Variants in SPHKAP observed in about 807,000 individuals in gnomAD.
SPHKAP encodes SPHK1 interactor, AKAP domain containing, also known as A-kinase anchor protein SPHKAP.
SPHKAP carries 67 observed loss-of-function variants against 137.5 expected under a neutral mutation model. That is an observed-to-expected ratio of 0.49 (90% CI 0.40 to 0.60). The LOEUF (loss-of-function observed/expected upper bound fraction) is 0.60. Ranked by LOEUF, SPHKAP falls within the 20% of genes least tolerant of loss-of-function variation. SPHKAP has a pLI of 0.00. For missense variants in SPHKAP, 2,097 were observed against 2,069.3 expected (o/e 1.01, Z -0.26); for synonymous variants, 813 against 785.3 (o/e 1.04, Z -0.59).
chr2:228,144,978 A>C (rs963385112), intron 1 of SPHKAP, among the ~76,000 whole-genome samples: 1 of 152,192 alleles, frequency 6.6e-6, no homozygotes, highest in Non-Finnish European at 1.5e-5. Flanking sequence ...ATCACGGATA[A>C]TTGTTTATGA....
intron 3 of SPHKAP, among the ~76,000 whole-genome samples, chr2:228,034,446 G>T (rs1168496815): frequency 6.6e-6 from 1 of 152,094 alleles, no homozygotes; most frequent in Admixed American, 6.5e-5. Context: ...AATTCTACCA[G>T]AGGTACAAGG....
At chr2:228,131,128 G>C (rs537789462) in intron 2 of SPHKAP, 2 of 169,754 alleles carry the variant, frequency 1.2e-5, no homozygotes, top group Non-Finnish European at 2.4e-5. Context: ...TATATGTGTA[G>C]ATATATATGC....
chr2:228,151,448 A>G (rs1293316566), intron 1 of SPHKAP, among the ~76,000 whole-genome samples: 1 of 152,142 alleles, frequency 6.6e-6, no homozygotes, highest in Non-Finnish European at 1.5e-5. Context: ...GGTATATACC[A>G]GTAATGGGAT....
Position 228,080,765 on chromosome 2 carries a change from AATAAAATAAAAT to A in SPHKAP, c.246+28055_246+28066del, listed in dbSNP as rs1459295143. ...AATAAAATAAAATAAAATAAAATAA[AATAAAATAAAAT>A]AAAATAAAACCAAACCACAATGATG... On this transcript the variant is annotated intron_variant, in intron 3 of 11. Coordinates refer to ENST00000392056, the MANE Select transcript of SPHKAP (RefSeq NM_001142644.2). Among the ~76,000 whole-genome samples, 471 of 67,282 alleles carry A rather than the reference AATAAAATAAAAT, an allele frequency of 7.0e-3. 6 individuals are homozygous for A. The highest frequency in any genetic ancestry group is 0.025 in the African/African-American group (441 of 17,584). 44.1% of individuals were successfully genotyped at this position (67,282 alleles called of 152,430 possible).
rs1206940350 is a variant in SPHKAP, at chr2:228,019,919, G to A, written c.935C>T (p.Ala312Val). Reference sequence around the variant, plus strand: ...TGTGGCTTGTCTCCCATTCCCCACAGCTTCTCTTTTCCACTGTGATGGCTT... The same window carrying A: ...TGTGGCTTGTCTCCCATTCCCCACAACTTCTCTTTTCCACTGTGATGGCTT... ...SAKPSQWKRE[A>V]VGNGRQATHY... The change falls in exon 7 of 12, where the codon GCT (alanine) becomes GTT (valine). Residue 312 changes from alanine (A) to valine (V), a missense_variant. Physicochemically the swap from Ala to Val is moderately conservative, Grantham distance 64. Transcript: ENST00000392056. 8 of 1,614,104 alleles carry A rather than the reference G, an allele frequency of 5.0e-6. No homozygotes were observed. In the African/African-American group the frequency reaches 9.3e-5, roughly 19 times the overall value.
chr2:228,103,312 A>T (rs34151038), intron 3 of SPHKAP, among the ~76,000 whole-genome samples: 23,729 of 152,178 alleles, frequency 0.16, 2,105 homozygotes, highest in East Asian at 0.31. Context: ...AACTGCTGCA[A>T]AGGGAAAGCC....
intron 3 of SPHKAP, among the ~76,000 whole-genome samples, chr2:228,074,502 T>C (rs544443649): frequency 6.6e-6 from 1 of 152,186 alleles, no homozygotes; most frequent in Admixed American, 6.5e-5. Flanking sequence ...TGCCAGATGC[T>C]TATAAAATCA....
At chr2:227,984,044 T>C (rs1693110983) in intron 11 of SPHKAP, among the ~76,000 whole-genome samples, 1 of 152,090 alleles carries the variant, frequency 6.6e-6, no homozygotes, top group Non-Finnish European at 1.5e-5. Flanking sequence ...CTCACGCCTG[T>C]AATCCTGGCA....
intron 3 of SPHKAP, among the ~76,000 whole-genome samples, chr2:228,037,955 A>G (rs548041855): frequency 6.6e-6 from 1 of 152,316 alleles, no homozygotes; most frequent in African/African-American, 2.4e-5. Flanking sequence ...GATTTAAGCA[A>G]CCACTAATGC....
At position 228,006,359 on chromosome 2, in the gene SPHKAP, T is replaced by C. The variant is rs1239857650; in HGVS notation, c.4448+10047A>G. Among the ~76,000 whole-genome samples, 5 of 152,340 alleles carry C rather than the reference T, an allele frequency of 3.3e-5. No homozygotes were observed. The East Asian group carries it at 7.7e-4, about 24-fold the overall frequency. On this transcript the variant is annotated intron_variant, in intron 7 of 11. Transcript: ENST00000392056. ...GCTACTGAAGCTTGTGCATTCATCATGTAATTCTCGTGCCACGGTTTTCAG... is the reference window on the plus strand; with the variant it reads ...GCTACTGAAGCTTGTGCATTCATCACGTAATTCTCGTGCCACGGTTTTCAG...
chr2:228,011,249 C>A (rs1300108560), intron 7 of SPHKAP, among the ~76,000 whole-genome samples: 1 of 141,548 alleles, frequency 7.1e-6, no homozygotes, highest in Non-Finnish European at 1.5e-5. Flanking sequence ...TTTTTTTAAT[C>A]AGTTCACTCT....
chr2:228,157,652 C>G (rs1700145459), intron 1 of SPHKAP, among the ~76,000 whole-genome samples: 1 of 152,004 alleles, frequency 6.6e-6, no homozygotes, highest in African/African-American at 2.4e-5. Flanking sequence ...GGCACTTCTA[C>G]TACCTTGGTT....
chr2:228,058,019 C>T (rs1696505408), intron 3 of SPHKAP, among the ~76,000 whole-genome samples: 1 of 152,186 alleles, frequency 6.6e-6, no homozygotes, highest in Admixed American at 6.5e-5. Flanking sequence ...TCCCCAACAA[C>T]CCATTAATAA....
intron 2 of SPHKAP, among the ~76,000 whole-genome samples, chr2:228,126,463 C>A (rs1699078761): frequency 6.6e-6 from 1 of 152,114 alleles, no homozygotes; most frequent in Admixed American, 6.6e-5. Context: ...GCAAACATAA[C>A]TTAATTGTCA....
chr2:228,125,941 G>A (rs1176807192), intron 2 of SPHKAP, among the ~76,000 whole-genome samples: 2 of 152,096 alleles, frequency 1.3e-5, no homozygotes, highest in Non-Finnish European at 2.9e-5. Flanking sequence ...TTAGCTGGGT[G>A]TCATGGCGTC....
In SPHKAP at chr2:228,017,439, T is replaced by G; in HGVS notation, c.3415A>C (p.Asn1139His). The G allele has an allele frequency of 2.5e-6, 4 of 1,613,950 alleles. No individual in the cohort carries two copies. The highest frequency in any genetic ancestry group is 3.4e-6 in the Non-Finnish European group (4 of 1,180,024). ...FSRFMVNQMENEGRGFELLLD... is the reference protein window; with the variant it reads ...FSRFMVNQMEHEGRGFELLLD... ...AGTAACTCAAATCCTCTCCCTTCAT[T>G]TTCCATCTGGTTCACCATGAACCTG... is the stretch of plus-strand genomic sequence containing the variant. The change falls in exon 7 of 12, where the codon AAT becomes CAT. Residue 1139 changes from asparagine (N) to histidine (H), a missense_variant. Asn to His is a moderately conservative substitution (Grantham distance 68, BLOSUM62 1). Coordinates refer to ENST00000392056, the MANE Select transcript of SPHKAP (RefSeq NM_001142644.2).
In SPHKAP at chr2:228,021,939, C is replaced by T. The variant is rs144898511; in HGVS notation, c.469G>A (p.Val157Ile). ...QCPWLPDICL[V>I]QCARGNRPNS... Reference sequence around the variant, plus strand: ...GGTCTGTTCCCTCTTGCACATTGGACCAAGCAGATATCTGGCAGCCAAGGG... The same window carrying T: ...GGTCTGTTCCCTCTTGCACATTGGATCAAGCAGATATCTGGCAGCCAAGGG... The change falls in exon 6 of 12, where the codon GTC becomes ATC. Residue 157 changes from valine to isoleucine, a missense_variant. Physicochemically the swap from Val to Ile is conservative, Grantham distance 29. Coordinates refer to ENST00000392056, the MANE Select transcript of SPHKAP (RefSeq NM_001142644.2). The T allele has an allele frequency of 3.2e-5, 51 of 1,606,238 alleles. No individual in the cohort carries two copies. In the African/African-American group the frequency reaches 5.0e-4, roughly 16 times the overall value.
chr2:228,059,656 A>ATG (rs1696569240), intron 3 of SPHKAP, among the ~76,000 whole-genome samples: 1 of 152,236 alleles, frequency 6.6e-6, no homozygotes, highest in African/African-American at 2.4e-5. Context: ...CACGAAACTT[A>ATG]AATACAGCAA....
intron 1 of SPHKAP, among the ~76,000 whole-genome samples, chr2:228,174,892 C>G (rs915228005): frequency 1.3e-5 from 2 of 151,134 alleles, no homozygotes; most frequent in African/African-American, 4.9e-5. Flanking sequence ...AATGGAAATG[C>G]TAAAAATGTA....
Sources: gnomAD v4.1 joint callset for allele counts (sites outside exome capture counted in the v4.1 genomes callset) on GRCh38, gnomAD v4.1.1 for gene constraint, MANE v1.5 for transcripts, NCBI Gene and HGNC (gene_info 2026-07-23, HGNC 2026-07-21) for gene names.